Variants in SLC41A3 observed in about 807,000 individuals in gnomAD.
SLC41A3 encodes solute carrier family 41 member 3.
SLC41A3 carries 44 observed loss-of-function variants against 45.4 expected under a neutral mutation model. The observed-to-expected ratio is 0.97, with a 90% confidence interval of 0.76 to 1.25. The LOEUF is 1.25. Ranked by LOEUF, SLC41A3 falls within the 50% of genes most tolerant of loss-of-function variation. The pLI is 0.00. For synonymous variants in SLC41A3, 256 were observed against 252.4 expected (o/e 1.01, Z -0.13); for missense variants, 550 against 600.6 (o/e 0.92, Z 0.88).
intron 2 of SLC41A3, among the ~76,000 whole-genome samples, chr3:126,061,297 C>T (rs997543335): frequency 6.6e-6 from 1 of 152,204 alleles, no homozygotes; most frequent in Non-Finnish European, 1.5e-5. Flanking sequence ...TCTCGACTGG[C>T]AGAACCCACC....
chr3:126,083,605 C>A (rs1945276411), intron 1 of SLC41A3, among the ~76,000 whole-genome samples: 1 of 151,964 alleles, frequency 6.6e-6, no homozygotes, highest in Non-Finnish European at 1.5e-5. Flanking sequence ...GCTGAGGCAG[C>A]GAGGGGTCCC....
chr3:126,009,791 G>A (rs898620933), intron 9 of SLC41A3, among the ~76,000 whole-genome samples: 7 of 152,184 alleles, frequency 4.6e-5, no homozygotes, highest in African/African-American at 1.7e-4. Flanking sequence ...ACTATTGGAA[G>A]TTGGTGTGAG....
intron 1 of SLC41A3, among the ~76,000 whole-genome samples, chr3:126,081,386 T>C (rs1945145190): frequency 6.6e-6 from 1 of 152,240 alleles, no homozygotes; most frequent in Non-Finnish European, 1.5e-5. Context: ...GGATGGTTAA[T>C]GGCTAGAAAT....
At chr3:126,065,323 T>C (rs2108002383) in intron 2 of SLC41A3, among the ~76,000 whole-genome samples, 1 of 152,370 alleles carries the variant, frequency 6.6e-6, no homozygotes, top group South Asian at 2.1e-4. Context: ...TTTGTGGTAA[T>C]GTGGAACACA....
At chr3:126,008,648 C>T in intron 10 of SLC41A3, 84 bp downstream of exon 10, 1 of 1,579,664 alleles carries the variant, frequency 6.3e-7, no homozygotes, top group Non-Finnish European at 8.7e-7. Context: ...CACCCGCCTC[C>T]CTCAGCCTCT....
chr3:126,069,146 T>TAG (rs777921788), intron 1 of SLC41A3, among the ~76,000 whole-genome samples: 2 of 145,992 alleles, frequency 1.4e-5, no homozygotes, highest in Admixed American at 6.8e-5. Flanking sequence ...ACCAACCTAA[T>TAG]AGGCCACCAA....
intron 5 of SLC41A3, chr3:126,023,196 A>G (rs1941055846): frequency 9.7e-6 from 4 of 411,772 alleles, no homozygotes; most frequent in Non-Finnish European, 1.7e-5. Flanking sequence ...GATGCTAAGG[A>G]GTGACCCGTG....
At chr3:126,012,828 C>A in intron 8 of SLC41A3, 79 bp from the exon 9 acceptor site, 1 of 1,573,832 alleles carries the variant, frequency 6.4e-7, no homozygotes, top group Non-Finnish European at 8.7e-7. Context: ...AGTTCCCTTC[C>A]TCCAGGAAGT....
chr3:126,045,592 A>G (rs567721101), intron 3 of SLC41A3, among the ~76,000 whole-genome samples: 116 of 152,330 alleles, frequency 7.6e-4, no homozygotes, highest in Non-Finnish European at 1.3e-3. Context: ...AAATCTGAAT[A>G]TACTGAAAAC....
At chr3:126,016,924 C>T (rs761429657) in intron 6 of SLC41A3, 49 bp from the exon 7 acceptor site, 1 of 1,597,448 alleles carries the variant, frequency 6.3e-7, no homozygotes, top group Non-Finnish European at 8.5e-7. Context: ...AAGGCCAGCA[C>T]ACACAGGCTG....
chr3:126,069,446 A>C (rs1193664024), intron 1 of SLC41A3, among the ~76,000 whole-genome samples: 1 of 152,152 alleles, frequency 6.6e-6, no homozygotes, highest in African/African-American at 2.4e-5. Context: ...AGAATGGAGG[A>C]TGTTTGCAGG....
At chr3:126,040,031 T>C (rs768229167) in intron 3 of SLC41A3, among the ~76,000 whole-genome samples, 1 of 152,028 alleles carries the variant, frequency 6.6e-6, no homozygotes, top group Non-Finnish European at 1.5e-5. Context: ...GCAAGGAAAA[T>C]ATAAGGTGTG....
Position 126,006,395 on chromosome 3 carries a change from G to C in SLC41A3, c.*621C>G. 1 of 1,606,370 alleles carries C rather than the reference G, an allele frequency of 6.2e-7. No homozygotes were observed. Among genetic ancestry groups the C allele is most frequent in the Non-Finnish European group, 8.5e-7 (1 of 1,175,942 alleles). On this transcript the variant is annotated 3_prime_UTR_variant, in exon 11 of 11. Coordinates refer to ENST00000360370, the MANE Select transcript of SLC41A3 (RefSeq NM_017836.4). ...AATCTGTTTTATTTTACACTTCTCT[G>C]ATTATTGAAATCTAAATAGAGGTTT... is the stretch of plus-strand genomic sequence containing the variant.
rs556183844 is a variant in SLC41A3 at position 126,020,309 on chromosome 3, G to C, written c.745+2477C>G. ...TAGGCTTCTGGGCCTGTGATGGGAG[G>C]GGGGGCCTCAAAAAATCTCTGAAAT... On this transcript the variant is annotated intron_variant, in intron 6 of 10. Coordinates refer to ENST00000360370, the MANE Select transcript of SLC41A3 (RefSeq NM_017836.4). Among the ~76,000 whole-genome samples the C allele has an allele frequency of 1.2e-3, 179 of 151,776 alleles. 2 individuals carry two copies. The highest frequency in any genetic ancestry group is 6.8e-3 in the Middle Eastern group (2 of 294).
At chr3:126,055,560 T>C (rs1312544856) in intron 2 of SLC41A3, among the ~76,000 whole-genome samples, 1 of 152,228 alleles carries the variant, frequency 6.6e-6, no homozygotes, top group Non-Finnish European at 1.5e-5. Flanking sequence ...TATATGTATA[T>C]GTTTATATGT....
At position 126,012,603 on chromosome 3, in the gene SLC41A3, C is replaced by T. The variant is rs369345354; in HGVS notation, c.1105+12G>A. On this transcript the variant is annotated intron_variant, in intron 9 of 10. Coordinates refer to ENST00000360370, the MANE Select transcript of SLC41A3 (RefSeq NM_017836.4). Reference sequence around the variant, plus strand: ...AATGGCTATCATGGCCTCTGAAAGACATGACACCCACCTGACGTGCAGAAA... The same window carrying T: ...AATGGCTATCATGGCCTCTGAAAGATATGACACCCACCTGACGTGCAGAAA... The T allele has an allele frequency of 5.0e-6, 8 of 1,613,770 alleles. No homozygotes were observed. The highest frequency in any genetic ancestry group is 6.8e-6 in the Non-Finnish European group (8 of 1,179,856).
chr3:126,038,652 G>T (rs997326871), intron 3 of SLC41A3, among the ~76,000 whole-genome samples: 4 of 152,212 alleles, frequency 2.6e-5, no homozygotes, highest in Non-Finnish European at 5.9e-5. Context: ...CTCATAAGTG[G>T]AAGAAATGTG....
At chr3:126,085,497 C>G (rs780290127), upstream of SLC41A3, 22 of 152,204 alleles carry the variant, frequency 1.4e-4, no homozygotes, top group South Asian at 2.1e-4. Flanking sequence ...GCTTCTCCCC[C>G]GATGGAACTG....
Position 126,067,115 on chromosome 3 carries a change from C to T in SLC41A3, c.273+832G>A, listed in dbSNP as rs1272620195. Among the ~76,000 whole-genome samples, 4 of 106,000 alleles carry T rather than the reference C, an allele frequency of 3.8e-5. No individual in the cohort carries two copies. The East Asian group carries it at 1.3e-3, about 34-fold the overall frequency. 69.5% of individuals were successfully genotyped at this position (106,000 alleles called of 152,430 possible). A position where few individuals can be genotyped will look rare whatever the true frequency, so the allele number is the denominator to read the frequency against. On this transcript the variant is annotated intron_variant, in intron 2 of 10. Coordinates refer to ENST00000360370, the MANE Select transcript of SLC41A3 (RefSeq NM_017836.4). The stretch of plus-strand genomic sequence containing the variant: ...ACCGCCCCCCCGCCCCCCGCCCCGG[C>T]CACCGCACCACTAAGCAGATGATTT...
Sources: allele counts gnomAD v4.1 joint callset (sites outside exome capture counted in the v4.1 genomes callset), GRCh38; gene constraint gnomAD v4.1.1; transcripts MANE v1.5; gene names NCBI Gene and HGNC (gene_info 2026-07-23, HGNC 2026-07-21).